CSNK1A1: variants seen among roughly 807,000 people sequenced by gnomAD.
The protein encoded by CSNK1A1 is casein kinase I isoform alpha.
A neutral mutation model predicts 46.1 loss-of-function variants in CSNK1A1; 7 were observed. The ratio of observed to expected loss-of-function variants is 0.15; its 90% CI spans 0.09 to 0.29. The LOEUF is 0.29. Among genes scored for constraint, CSNK1A1 ranks in the 10% least tolerant of loss-of-function variants. The pLI is 1.00. For synonymous variants in CSNK1A1, 137 were observed against 141.5 expected (o/e 0.97, Z 0.23); for missense variants, 96 against 417.1 (o/e 0.23, Z 6.71).
intron 9 of CSNK1A1, chr5:149,504,141 CTG>C (rs1363250474): frequency 8.1e-6 from 8 of 985,286 alleles, no homozygotes; most frequent in African/African-American, 1.7e-5. Context: ...AGGCAGAGCA[CTG>C]TGTGAACATT....
chr5:149,530,157 A>G (rs1397023004), intron 2 of CSNK1A1, among the ~76,000 whole-genome samples: 2 of 152,186 alleles, frequency 1.3e-5, no homozygotes, highest in Admixed American at 6.5e-5. Flanking sequence ...GGCAATCATT[A>G]TATTTGTCTT....
At chr5:149,526,030 C>A (rs1761716097) in intron 2 of CSNK1A1, among the ~76,000 whole-genome samples, 1 of 152,158 alleles carries the variant, frequency 6.6e-6, no homozygotes, top group Non-Finnish European at 1.5e-5. Context: ...CCAATAAGAA[C>A]CAATCCCAAA....
chr5:149,517,751 CA>C lies in CSNK1A1; in HGVS notation c.456+2538del. ...AATAAAACAATAAAAAAGAAAAGCA[CA>C]TGAATTTGGGATTGAGGTTGGAATA... On this transcript the variant is annotated intron_variant, in intron 4 of 9. Transcript: ENST00000377843. The surrounding 1 kb of genome is among the most constrained non-coding windows in gnomAD (Gnocchi z 4.4). 8.3e-7 allele frequency: 1 copy of C among 1,202,400 alleles called. No individual in the cohort carries two copies. Among genetic ancestry groups the C allele is most frequent in the Non-Finnish European group, 1.2e-6 (1 of 830,634 alleles). The allele number at this position is 1,202,400 out of a possible 1,614,324, so 74.5% of individuals were successfully genotyped here.
chr5:149,545,085 GA>G (rs1762430131), intron 2 of CSNK1A1, among the ~76,000 whole-genome samples: 10 of 148,200 alleles, frequency 6.7e-5, no homozygotes, highest in Admixed American at 3.5e-4. Context: ...CTGGGTGACA[GA>G]GCAAGACTCC....
At chr5:149,522,435 C>T (rs1253392842) in intron 3 of CSNK1A1, among the ~76,000 whole-genome samples, 1 of 152,178 alleles carries the variant, frequency 6.6e-6, no homozygotes, top group Admixed American at 6.5e-5. Context: ...AAGACACTTA[C>T]TTAGAAGTTG....
intron 3 of CSNK1A1, among the ~76,000 whole-genome samples, 182 bp downstream of exon 3, chr5:149,524,863 A>G (rs1251978790): frequency 2.0e-5 from 3 of 152,182 alleles, no homozygotes; most frequent in Non-Finnish European, 4.4e-5. Flanking sequence ...AGAAACCAAG[A>G]TAATTCCAGG....
At chr5:149,545,594 TCTTGGGCTTAACCTC>T in intron 2 of CSNK1A1, 1 of 814,030 alleles carries the variant, frequency 1.2e-6, no homozygotes, top group Non-Finnish European at 2.1e-6. Flanking sequence ...CCCTTTGGGA[TCTTGGGCTTAACCTC>T]CTTGGGCTTT....
chr5:149,530,763 C>A (rs897211449), intron 2 of CSNK1A1, among the ~76,000 whole-genome samples: 1 of 151,780 alleles, frequency 6.6e-6, no homozygotes, highest in East Asian at 2.0e-4. Flanking sequence ...GCCAGGAGTT[C>A]GAGACCAGTC....
Position 149,542,658 on chromosome 5 carries a change from A to ATGTG in CSNK1A1, c.230+7416_230+7417insCACA, listed in dbSNP as rs1561772732. Reference sequence around the variant, plus strand: ...TATATATGTATATATATATATATATATATATATATATATGTATATATATAT... The same window carrying ATGTG: ...TATATATGTATATATATATATATATATGTGTATATATATATATGTATATATATAT... On this transcript the variant is annotated intron_variant, in intron 2 of 9. Coordinates refer to ENST00000377843, the MANE Select transcript of CSNK1A1 (RefSeq NM_001892.6). Among the ~76,000 whole-genome samples, 35 of 6,830 alleles carry ATGTG rather than the reference A, an allele frequency of 5.1e-3. 3 individuals are homozygous for ATGTG. The highest frequency in any genetic ancestry group is 0.021 in the African/African-American group (32 of 1,524). The allele number at this position is 6,830 out of a possible 152,430, so 4.5% of individuals were successfully genotyped here. A position where few individuals can be genotyped will look rare whatever the true frequency, so the allele number is the denominator to read the frequency against.
At chr5:149,540,093 GA>G (rs1762181742) in intron 2 of CSNK1A1, among the ~76,000 whole-genome samples, 1 of 152,132 alleles carries the variant, frequency 6.6e-6, no homozygotes, top group South Asian at 2.1e-4. Flanking sequence ...CAGAGAACAA[GA>G]GGCATCTTTT....
rs1474081074 is a variant in CSNK1A1 at position 149,496,865 on chromosome 5, T to TA, written c.1007-6dup. ...CCTCAATTCATGCTTAGAAACCTGG[T>TA]AAAAAATCAAAACAAAAAAAAAGTT... On this transcript the variant is annotated splice_region_variant and splice_polypyrimidine_tract_variant and intron_variant, in intron 9 of 9. Transcript: ENST00000377843. 8.4e-6 allele frequency: 13 copies of TA among 1,547,078 alleles called. No homozygotes were observed. The Admixed American group carries it at 1.2e-4, about 14-fold the overall frequency.
At chr5:149,499,791 C>A (rs1405082728) in intron 9 of CSNK1A1, among the ~76,000 whole-genome samples, 1 of 151,894 alleles carries the variant, frequency 6.6e-6, no homozygotes, top group East Asian at 1.9e-4. Context: ...GAAACTAGTT[C>A]AAAGGGATAT....
intron 9 of CSNK1A1, among the ~76,000 whole-genome samples, chr5:149,500,135 ATTTTT>A (rs1193702653): frequency 9.4e-6 from 1 of 106,328 alleles, no homozygotes; most frequent in Non-Finnish European, 1.9e-5. Context: ...CGCCCAGCTA[ATTTTT>A]TTTTTTTTTT....
chr5:149,530,251 G>A (rs1023670030), intron 2 of CSNK1A1, among the ~76,000 whole-genome samples: 1 of 152,180 alleles, frequency 6.6e-6, no homozygotes, highest in African/African-American at 2.4e-5. Flanking sequence ...ATTAGAAGCT[G>A]TAACAGTGTA....
rs2113108683 is a variant in CSNK1A1, at chr5:149,518,565, C to T, written c.456+1725G>A. Reference sequence around the variant, plus strand: ...TCAACTACATAAACAAAACACTAATCTAAAATGTTCAAGAGCAACATTTAG... The same window carrying T: ...TCAACTACATAAACAAAACACTAATTTAAAATGTTCAAGAGCAACATTTAG... On this transcript the variant is annotated intron_variant, in intron 4 of 9. Coordinates refer to ENST00000377843, the MANE Select transcript of CSNK1A1 (RefSeq NM_001892.6). Among the ~76,000 whole-genome samples the T allele has an allele frequency of 1.3e-5, 2 of 152,230 alleles. 1 individual carries two copies. Among genetic ancestry groups the T allele is most frequent in the South Asian group, 4.2e-4 (2 of 4,816 alleles).
In CSNK1A1 at chr5:149,525,192, G is replaced by A. The variant is rs1228829913; in HGVS notation, c.231-21C>T. The A allele has an allele frequency of 6.3e-7, 1 of 1,580,966 alleles. No homozygotes were observed. Among genetic ancestry groups the A allele is most frequent in the South Asian group, 1.2e-5 (1 of 85,252 alleles). On this transcript the variant is annotated intron_variant, in intron 2 of 9. Coordinates refer to ENST00000377843, the MANE Select transcript of CSNK1A1 (RefSeq NM_001892.6). This position sits in a 1 kb window ranked among gnomAD's most constrained non-coding sequence, Gnocchi z 4.2. Reference sequence around the variant, plus strand: ...ACCACCTAACGAAACAAAAGGAGAAGAGAGGATATTACAAAAAGCTATTAC... The same window carrying A: ...ACCACCTAACGAAACAAAAGGAGAAAAGAGGATATTACAAAAAGCTATTAC...
intron 4 of CSNK1A1, among the ~76,000 whole-genome samples, chr5:149,519,226 C>T (rs1233588778): frequency 6.6e-6 from 1 of 152,116 alleles, no homozygotes; most frequent in African/African-American, 2.4e-5. Flanking sequence ...AACACCAATT[C>T]TAATGGTAAT....
At chr5:149,547,959 C>T (rs1420505168) in intron 2 of CSNK1A1, among the ~76,000 whole-genome samples, 1 of 152,040 alleles carries the variant, frequency 6.6e-6, no homozygotes, top group Non-Finnish European at 1.5e-5. Flanking sequence ...CAACCTCCGA[C>T]TCCCGGGTTC....
rs1762580215 is a variant in CSNK1A1, at chr5:149,549,202, GATTT to G, written c.230+869_230+872del. ...TATCAAAGTGTGGCTAAGTGATTAA[GATTT>G]TTTTAAATACAACTGATATGAGTAA... On this transcript the variant is annotated intron_variant, in intron 2 of 9. Transcript: ENST00000377843. 8.9e-5 allele frequency: 37 copies of G among 414,370 alleles called. No homozygotes were observed. In the South Asian group the frequency reaches 1.8e-3, roughly 20 times the overall value. The allele number at this position is 414,370 out of a possible 1,614,324, so 25.7% of individuals were successfully genotyped here.
Sources: gnomAD v4.1 joint callset for allele counts (sites outside exome capture counted in the v4.1 genomes callset) on GRCh38, gnomAD v4.1.1 for gene constraint, Gnocchi (gnomAD v3.1) non-coding constraint, MANE v1.5 for transcripts, NCBI Gene and HGNC (gene_info 2026-07-23, HGNC 2026-07-21) for gene names.